ADK: variants seen among roughly 807,000 people sequenced by gnomAD.
ADK encodes the protein adenosine kinase, also known as N6,N6-dimethyladenosine kinase.
ADK carries 24 observed loss-of-function variants against 44.7 expected under a neutral mutation model. The observed-to-expected ratio is 0.54, with a 90% CI of 0.39 to 0.76. ADK has a LOEUF of 0.76. Among genes scored for constraint, ADK ranks in the 30% least tolerant of loss-of-function variants. ADK has a pLI of 0.00. For synonymous variants in ADK, 128 were observed against 142.6 expected (o/e 0.90, Z 0.73); for missense variants, 321 against 425.1 (o/e 0.76, Z 2.15).
Position 74,197,365 on chromosome 10 carries a change from G to A in ADK, c.66-3399G>A, listed in dbSNP as rs1843194586. Among the ~76,000 whole-genome samples, 3 of 152,122 alleles carry A rather than the reference G, an allele frequency of 2.0e-5. No individual in the cohort carries two copies. The South Asian group carries it at 6.2e-4, about 31-fold the overall frequency. ...TTATTAACATTTAGGCCCAGAGATGGTAGATGGCTTGCTTAAGTCTCCCAG... is the reference window on the plus strand; with the variant it reads ...TTATTAACATTTAGGCCCAGAGATGATAGATGGCTTGCTTAAGTCTCCCAG... On this transcript the variant is annotated intron_variant, in intron 1 of 10. Coordinates refer to ENST00000539909, the MANE Select transcript of ADK (RefSeq NM_006721.4).
At chr10:74,245,986 T>C (rs979831933) in intron 3 of ADK, among the ~76,000 whole-genome samples, 2 of 152,130 alleles carry the variant, frequency 1.3e-5, no homozygotes, top group African/African-American at 4.8e-5. Flanking sequence ...ACAGTTATGA[T>C]GCATTCTGTC....
At chr10:74,199,542 GT>G (rs1211514474) in intron 1 of ADK, among the ~76,000 whole-genome samples, 1 of 152,102 alleles carries the variant, frequency 6.6e-6, no homozygotes. Flanking sequence ...TGGCTGCATA[GT>G]ATTCCATGGT....
At chr10:74,596,670 T>C (rs1325870471) in intron 8 of ADK, among the ~76,000 whole-genome samples, 1 of 151,984 alleles carries the variant, frequency 6.6e-6, no homozygotes, top group African/African-American at 2.4e-5. Flanking sequence ...CTCAGCCTCC[T>C]AAGTAGCTGG....
At chr10:74,375,019 T>C (rs964219813) in intron 4 of ADK, among the ~76,000 whole-genome samples, 2 of 152,172 alleles carry the variant, frequency 1.3e-5, no homozygotes, top group African/African-American at 4.8e-5. Flanking sequence ...CAGAGTACTT[T>C]AGATATAATA....
rs1418495327 is a variant in ADK, at chr10:74,586,869, AT to A, written c.727-2412del. On this transcript the variant is annotated intron_variant, in intron 7 of 10. Coordinates refer to ENST00000539909, the MANE Select transcript of ADK (RefSeq NM_006721.4). ...AGCTCTGTCTCAAAAAAAAAAAAAA[AT>A]ATATATGTATATATATACACACACA... Among the ~76,000 whole-genome samples, 963 of 143,604 alleles carry A rather than the reference AT, an allele frequency of 6.7e-3. 5 individuals are homozygous for A. Among genetic ancestry groups the A allele is most frequent in the African/African-American group, 0.026 (892 of 34,546 alleles). The allele number at this position is 143,604 out of a possible 152,430, so 94.2% of individuals were successfully genotyped here. A position where few individuals can be genotyped will look rare whatever the true frequency, so the allele number is the denominator to read the frequency against.
intron 4 of ADK, among the ~76,000 whole-genome samples, chr10:74,388,571 G>A (rs1039154490): frequency 1.3e-5 from 2 of 151,528 alleles, no homozygotes; most frequent in South Asian, 4.2e-4. Context: ...TATATGTCTT[G>A]CACATATTTG....
chr10:74,332,613 ACCT>A (rs1841258638), intron 4 of ADK, among the ~76,000 whole-genome samples: 1 of 152,166 alleles, frequency 6.6e-6, no homozygotes, highest in Non-Finnish European at 1.5e-5. Flanking sequence ...TGAACTGAAG[ACCT>A]AATTGAGAGT....
At chr10:74,288,098 G>A (rs1847260500) in intron 3 of ADK, among the ~76,000 whole-genome samples, 1 of 151,994 alleles carries the variant, frequency 6.6e-6, no homozygotes, top group South Asian at 2.1e-4. Flanking sequence ...AGACAGTATG[G>A]CTCTTTTTTT....
intron 6 of ADK, among the ~76,000 whole-genome samples, chr10:74,523,841 C>T (rs2133611566): frequency 6.6e-6 from 1 of 152,298 alleles, no homozygotes; most frequent in East Asian, 1.9e-4. Context: ...TTTTCTTTTA[C>T]ACAGCCAAAT....
chr10:74,180,235 G>C (rs4746178), intron 1 of ADK, among the ~76,000 whole-genome samples: 1 of 73,274 alleles, frequency 1.4e-5, no homozygotes, highest in Admixed American at 1.5e-4. Flanking sequence ...TATTATTATT[G>C]TTATTATTAA....
intron 6 of ADK, among the ~76,000 whole-genome samples, chr10:74,494,030 A>G (rs1458680522): frequency 6.6e-6 from 1 of 152,182 alleles, no homozygotes. Flanking sequence ...ATGGTAAATT[A>G]AGTTTTGATT....
At chr10:74,450,283 G>T (rs965698107) in intron 6 of ADK, among the ~76,000 whole-genome samples, 1 of 152,168 alleles carries the variant, frequency 6.6e-6, no homozygotes, top group African/African-American at 2.4e-5. Flanking sequence ...CTGCACTTCA[G>T]CCTGTGTGAC....
At chr10:74,500,584 A>G (rs1267488356) in intron 6 of ADK, among the ~76,000 whole-genome samples, 1 of 152,228 alleles carries the variant, frequency 6.6e-6, no homozygotes, top group Non-Finnish European at 1.5e-5. Context: ...TGTGAGTATT[A>G]AAAATGTATT....
intron 1 of ADK, among the ~76,000 whole-genome samples, chr10:74,193,070 A>T (rs747972033): frequency 6.6e-6 from 1 of 152,102 alleles, no homozygotes; most frequent in Non-Finnish European, 1.5e-5. Flanking sequence ...CATATTTTGT[A>T]TTGTTACCTT....
intron 3 of ADK, among the ~76,000 whole-genome samples, chr10:74,257,729 G>A (rs889142069): frequency 2.0e-5 from 3 of 152,212 alleles, no homozygotes; most frequent in South Asian, 2.1e-4. Flanking sequence ...ATTAGATTTT[G>A]ACATGAAATG....
chr10:74,256,058 G>T (rs932568535), intron 3 of ADK, among the ~76,000 whole-genome samples: 2 of 152,192 alleles, frequency 1.3e-5, no homozygotes, highest in Non-Finnish European at 1.5e-5. Context: ...CTTCACAGTG[G>T]CGATAGGCTT....
chr10:74,261,639 A>T (rs1033632258), intron 3 of ADK, among the ~76,000 whole-genome samples: 25 of 152,178 alleles, frequency 1.6e-4, no homozygotes, highest in Non-Finnish European at 3.7e-4. Flanking sequence ...TTAAGTCTGG[A>T]AATGCAGATT....
chr10:74,312,680 G>A (rs569896399), intron 3 of ADK, among the ~76,000 whole-genome samples: 4 of 151,156 alleles, frequency 2.6e-5, no homozygotes, highest in African/African-American at 9.7e-5. Context: ...GCTGAGGTGG[G>A]AGGATCGCCT....
At chr10:74,238,452 C>A (rs976238761) in intron 3 of ADK, among the ~76,000 whole-genome samples, 24 of 152,226 alleles carry the variant, frequency 1.6e-4, no homozygotes, top group African/African-American at 5.8e-4. Flanking sequence ...GACTTAGAAA[C>A]GGCCTCAGTA....
Sources: allele counts gnomAD v4.1 joint callset (sites outside exome capture counted in the v4.1 genomes callset), GRCh38; gene constraint gnomAD v4.1.1; transcripts MANE v1.5; gene names NCBI Gene and HGNC (gene_info 2026-07-23, HGNC 2026-07-21).